The following ABCB5 variants were observed in gnomAD, a reference collection of about 807,000 sequenced individuals.
The protein encoded by ABCB5 is ATP-binding cassette sub-family B member 5.
In ABCB5, 155 loss-of-function variants were observed where a neutral mutation model predicts 144.2. The observed-to-expected ratio is 1.08, with a 90% CI of 0.94 to 1.23. The LOEUF is 1.23. Ranked by LOEUF, ABCB5 falls within the 50% of genes most tolerant of loss-of-function variation. The pLI is 0.00. For synonymous variants in ABCB5, 610 were observed against 528.6 expected (o/e 1.15, Z -2.11); for missense variants, 1,830 against 1,520.8 (o/e 1.20, Z -3.38).
At chr7:20,677,237 T>C (rs1181497515) in intron 14 of ABCB5, among the ~76,000 whole-genome samples, 4 of 152,196 alleles carry the variant, frequency 2.6e-5, no homozygotes, top group African/African-American at 4.8e-5. Flanking sequence ...ATTATCTCAG[T>C]ATATACTTTT....
intron 19 of ABCB5, among the ~76,000 whole-genome samples, chr7:20,702,113 T>C: frequency 6.6e-6 from 1 of 152,214 alleles, no homozygotes; most frequent in East Asian, 1.9e-4. Flanking sequence ...AAAATCCATA[T>C]TTTATGTGAT....
intron 3 of ABCB5, 147 bp downstream of exon 3, chr7:20,626,758 G>T: frequency 1.4e-6 from 1 of 697,272 alleles, no homozygotes; most frequent in Non-Finnish European, 2.2e-6. Context: ...ATTTTCGATA[G>T]AAAAAATATA....
In ABCB5 at chr7:20,700,049, G is replaced by A. The variant is rs12700230; in HGVS notation, c.2260-9G>A. ...AAAGAACGTAGATTTTTGTTTGTTT[G>A]CTTTTCAGGGATTATTTTACGGCAG... On this transcript the variant is annotated splice_polypyrimidine_tract_variant and intron_variant, in intron 18 of 27. Transcript: ENST00000404938. 0.21 allele frequency: 332,401 copies of A among 1,610,838 alleles called. 37,377 individuals are homozygous for A. The highest frequency in any genetic ancestry group is 0.23 in the Non-Finnish European group (274,438 of 1,177,696).
At chr7:20,626,854 G>GGTGTGC (rs1554278225) in intron 3 of ABCB5, among the ~76,000 whole-genome samples, 72 of 143,758 alleles carry the variant, frequency 5.0e-4, no homozygotes, top group African/African-American at 1.8e-3. Flanking sequence ...GTGTTTTTGG[G>GGTGTGC]GTGTGTGTGT....
intron 5 of ABCB5, among the ~76,000 whole-genome samples, chr7:20,640,351 G>A (rs981684589): frequency 6.6e-6 from 1 of 152,102 alleles, no homozygotes; most frequent in Admixed American, 6.6e-5. Context: ...CACTTTATGT[G>A]TGCTTTTTTT....
intron 14 of ABCB5, among the ~76,000 whole-genome samples, chr7:20,668,936 C>G: frequency 9.6e-6 from 1 of 103,636 alleles, no homozygotes; most frequent in Non-Finnish European, 1.9e-5. Flanking sequence ...GAAGTGAGGA[C>G]CCCTCTGCCC....
At chr7:20,724,091 C>G (rs1262227511) in intron 21 of ABCB5, among the ~76,000 whole-genome samples, 1 of 152,194 alleles carries the variant, frequency 6.6e-6, no homozygotes, top group Non-Finnish European at 1.5e-5. Flanking sequence ...CCATCTCCTA[C>G]CACCTTTTCC....
At chr7:20,745,941 C>A (rs978230023) in intron 26 of ABCB5, among the ~76,000 whole-genome samples, 27 of 152,324 alleles carry the variant, frequency 1.8e-4, no homozygotes, top group African/African-American at 6.5e-4. Flanking sequence ...CCTGCTGTTT[C>A]CCCAGCAACA....
chr7:20,705,061 C>A (rs2128044593), intron 20 of ABCB5, among the ~76,000 whole-genome samples: 1 of 151,756 alleles, frequency 6.6e-6, no homozygotes, highest in Non-Finnish European at 1.5e-5. Context: ...AAGAAGAGAC[C>A]AAGAATAAGT....
chr7:20,706,398 G>A (rs892511197), intron 20 of ABCB5, among the ~76,000 whole-genome samples: 2 of 152,212 alleles, frequency 1.3e-5, no homozygotes, highest in South Asian at 2.1e-4. Context: ...ATTTCTTTTA[G>A]CAGATATTTG....
Position 20,647,626 on chromosome 7 carries a change from A to G in ABCB5, c.1073A>G (p.His358Arg), listed in dbSNP as rs758142743. 23 of 1,575,194 alleles carry G rather than the reference A, an allele frequency of 1.5e-5. No homozygotes were observed. The East Asian group carries it at 4.8e-4, about 33-fold the overall frequency. Residue 358 changes from histidine (H) to arginine (R), a missense_variant, in exon 10 of 28, where the codon CAT becomes CGT. Transcript: ENST00000404938. Reference protein sequence around the residue: ...TFAIARGAAFHIFQVIDKKPS... With the variant: ...TFAIARGAAFRIFQVIDKKPS... ...GCAATAGCCCGAGGAGCTGCCTTTC[A>G]TATTTTCCAGGTTATTGATAAGGTA... is the stretch of plus-strand genomic sequence containing the variant.
At chr7:20,670,295 TG>T (rs1306354946) in intron 14 of ABCB5, among the ~76,000 whole-genome samples, 1 of 151,312 alleles carries the variant, frequency 6.6e-6, no homozygotes, top group East Asian at 1.9e-4. Context: ...ATCATAGAAA[TG>T]TAAGATGTTA....
chr7:20,681,054 CTCTCTCTTTCTTTCTT>C (rs1785794452), intron 14 of ABCB5, among the ~76,000 whole-genome samples: 2 of 45,364 alleles, frequency 4.4e-5, no homozygotes, highest in African/African-American at 2.6e-4. Flanking sequence ...CTTTCTCTCT[CTCTCTCTTTCTTTCTT>C]TCTTTCTTTC....
At chr7:20,680,092 G>A (rs905794138) in intron 14 of ABCB5, among the ~76,000 whole-genome samples, 30 of 152,278 alleles carry the variant, frequency 2.0e-4, no homozygotes, top group African/African-American at 6.0e-4. Context: ...TAAATTATCC[G>A]CAACTCTATA....
chr7:20,670,532 T>G (rs886504639), intron 14 of ABCB5, among the ~76,000 whole-genome samples: 2 of 152,212 alleles, frequency 1.3e-5, no homozygotes, highest in Non-Finnish European at 2.9e-5. Flanking sequence ...TTTTAACCAA[T>G]TTTGTTATAC....
chr7:20,628,001 G>T (rs970695232), intron 3 of ABCB5, among the ~76,000 whole-genome samples: 75 of 152,070 alleles, frequency 4.9e-4, no homozygotes, highest in African/African-American at 1.7e-3. Flanking sequence ...TGATTTAGCT[G>T]CTTTATTTAT....
In ABCB5 at chr7:20,755,490, C is replaced by T. The variant is rs1783060674; in HGVS notation, c.3640C>T (p.Leu1214Phe). The stretch of plus-strand genomic sequence containing the variant: ...GACATGCCTAGTGGTCACTCACAGG[C>T]TCTCTGCAATTCAGAACGCAGATTT... ...GRTCLVVTHR[L>F]SAIQNADLIV... The change falls in exon 28 of 28, where the codon CTC becomes TTC. Residue 1214 changes from leucine (L) to phenylalanine (F), a missense_variant. Coordinates refer to ENST00000404938, the MANE Select transcript of ABCB5 (RefSeq NM_001163941.2). 6.2e-7 allele frequency: 1 copy of T among 1,614,166 alleles called. No homozygotes were observed. The highest frequency in any genetic ancestry group is 2.2e-5 in the East Asian group (1 of 44,878).
chr7:20,623,142 G>A, intron 1 of ABCB5, 123 bp from the exon 2 acceptor site: 1 of 644,046 alleles, frequency 1.6e-6, no homozygotes, highest in Non-Finnish European at 2.7e-6. Context: ...GGCTGGGCAG[G>A]GCGAAATTCT....
chr7:20,626,959 T>A (rs1391317856), intron 3 of ABCB5, among the ~76,000 whole-genome samples: 1 of 152,076 alleles, frequency 6.6e-6, no homozygotes, highest in African/African-American at 2.4e-5. Context: ...TTTTACTATC[T>A]ATGTTTACAT....
Sources: gnomAD v4.1 joint callset for allele counts (sites outside exome capture counted in the v4.1 genomes callset) on GRCh38, gnomAD v4.1.1 for gene constraint, MANE v1.5 for transcripts, NCBI Gene and HGNC (gene_info 2026-07-23, HGNC 2026-07-21) for gene names.